NEBL: variants seen among roughly 807,000 people sequenced by gnomAD.
NEBL encodes nebulette.
Under a neutral mutation model 140.2 loss-of-function variants are expected in NEBL, and 122 were observed. The ratio of observed to expected loss-of-function variants is 0.87; its 90% CI spans 0.75 to 1.01. The LOEUF (loss-of-function observed/expected upper bound fraction) is 1.01, where lower values mean the gene tolerates loss of function less well. Ranked by LOEUF, NEBL falls within the 50% of genes least tolerant of loss-of-function variation. The probability of loss-of-function intolerance (pLI) is 0.00; values close to 1 mark genes in which losing one functional copy is unlikely to be tolerated. For synonymous variants in NEBL, 436 were observed against 398.9 expected, an observed-to-expected ratio of 1.09 and a Z score of -1.11; for missense variants, 1,365 against 1,231.3, an observed-to-expected ratio of 1.11 and a Z score of -1.62.
At chr10:21,177,195 C>G (rs1292362828), upstream of NEBL, among the ~76,000 whole-genome samples, 1 of 152,238 alleles carries the variant, frequency 6.6e-6, no homozygotes, top group Non-Finnish European at 1.5e-5. Flanking sequence ...GCTTCAAATG[C>G]GCTTGCATAG....
chr10:20,944,585 A>G (rs1399900783), intron 4 of NEBL, among the ~76,000 whole-genome samples: 1 of 152,220 alleles, frequency 6.6e-6, no homozygotes, highest in Non-Finnish European at 1.5e-5. Flanking sequence ...AAAGGCATAC[A>G]TATTTATATG....
At chr10:20,835,965 A>G (rs1840847866) in intron 13 of NEBL, among the ~76,000 whole-genome samples, 1 of 152,236 alleles carries the variant, frequency 6.6e-6, no homozygotes, top group South Asian at 2.1e-4. Flanking sequence ...AAGCCAGAGC[A>G]TTCACCAGCT....
chr10:20,841,516 A>C (rs529284275), intron 12 of NEBL: 2 of 152,480 alleles, frequency 1.3e-5, no homozygotes, highest in African/African-American at 4.8e-5. Context: ...CCCCTTTACT[A>C]TCTCTGATGG....
At chr10:21,176,589 G>T (rs1841303969), upstream of NEBL, among the ~76,000 whole-genome samples, 1 of 152,046 alleles carries the variant, frequency 6.6e-6, no homozygotes, top group Non-Finnish European at 1.5e-5. Context: ...CAAAGAATTG[G>T]CAGAAACCTG....
chr10:21,037,015 G>A (rs1442848017), intron 2 of NEBL, among the ~76,000 whole-genome samples: 2 of 152,138 alleles, frequency 1.3e-5, no homozygotes, highest in African/African-American at 4.8e-5. Flanking sequence ...GCACTTTACA[G>A]AAGCTGGTCT....
Position 20,955,001 on chromosome 10 carries a change from C to T in NEBL, c.357+6671G>A, listed in dbSNP as rs11012417. On this transcript the variant is annotated intron_variant, in intron 4 of 6. Coordinates refer to the NEBL transcript ENST00000417816. The stretch of plus-strand genomic sequence containing the variant: ...ATTTTACATTTTATCCTAAAGGCAG[C>T]AGAGAGACTTAACAGATTTTAAAAG... Among the ~76,000 whole-genome samples the T allele has an allele frequency of 0.028, 4,280 of 152,252 alleles. 334 individuals are homozygous for T. In the East Asian group the frequency reaches 0.32, roughly 11 times the overall value.
At chr10:21,140,083 C>A (rs1839555076) in intron 2 of NEBL, among the ~76,000 whole-genome samples, 1 of 151,938 alleles carries the variant, frequency 6.6e-6, no homozygotes, top group Admixed American at 6.6e-5. Context: ...ATCACTTGAA[C>A]CTGGGAGGTG....
chr10:21,141,139 G>A (rs564861091), intron 2 of NEBL, among the ~76,000 whole-genome samples: 2 of 149,470 alleles, frequency 1.3e-5, no homozygotes, highest in South Asian at 4.3e-4. Flanking sequence ...CCAGATTAAA[G>A]ACACCAAAAA....
chr10:21,228,469 A>G (rs1842202250), intron 3 of NEBL, among the ~76,000 whole-genome samples: 1 of 152,146 alleles, frequency 6.6e-6, no homozygotes, highest in African/African-American at 2.4e-5. Flanking sequence ...AAAGTTTTTA[A>G]TGGGTGATTT....
intron 8 of NEBL, among the ~76,000 whole-genome samples, chr10:20,859,409 A>G (rs186546432): frequency 7.9e-5 from 12 of 152,212 alleles, no homozygotes; most frequent in Admixed American, 5.9e-4. Flanking sequence ...CTACTGTCCT[A>G]ACCACTAATT....
intron 8 of NEBL, among the ~76,000 whole-genome samples, chr10:20,858,763 A>T (rs1379906161): frequency 1.3e-5 from 2 of 152,194 alleles, no homozygotes; most frequent in Non-Finnish European, 2.9e-5. Flanking sequence ...TGAAAATATA[A>T]TACCAGTAAT....
Position 20,824,015 on chromosome 10 carries a change from A to G in NEBL, c.1870-715T>C, listed in dbSNP as rs116619494. On this transcript the variant is annotated intron_variant, in intron 18 of 27. Transcript: ENST00000377122. ...CTCCCCCATCACATATATTTAGAGG[A>G]AGATCAATCAGGCAAATGGTAATAC... Among the ~76,000 whole-genome samples, 329 of 152,296 alleles carry G rather than the reference A, an allele frequency of 2.2e-3. 1 individual carries two copies. Among genetic ancestry groups the G allele is most frequent in the African/African-American group, 7.7e-3 (319 of 41,576 alleles).
At chr10:21,207,436 T>G (rs1841845045) in intron 3 of NEBL, among the ~76,000 whole-genome samples, 1 of 152,178 alleles carries the variant, frequency 6.6e-6, no homozygotes, top group Admixed American at 6.5e-5. Flanking sequence ...GAATTCTTAT[T>G]AACTCTATAA....
intron 3 of NEBL, among the ~76,000 whole-genome samples, chr10:21,200,308 CTTTTTT>C (rs10671099): frequency 3.7e-4 from 30 of 81,966 alleles, no homozygotes; most frequent in African/African-American, 1.4e-3. Context: ...TTCCAAGGGA[CTTTTTT>C]TTTTTTTTTT....
intron 1 of NEBL, among the ~76,000 whole-genome samples, chr10:21,253,351 T>C (rs371878726): frequency 9.9e-5 from 15 of 151,770 alleles, no homozygotes; most frequent in African/African-American, 1.9e-4. Flanking sequence ...GAGTCACAAA[T>C]AGAGAGAGAT....
chr10:21,236,077 G>A (rs931734855), intron 3 of NEBL, among the ~76,000 whole-genome samples: 6 of 152,252 alleles, frequency 3.9e-5, no homozygotes, highest in East Asian at 1.9e-4. Context: ...AACAGAAGTC[G>A]TTCCCCTCTG....
At chr10:20,964,934 C>G (rs1057112002) in intron 3 of NEBL, among the ~76,000 whole-genome samples, 89 of 152,324 alleles carry the variant, frequency 5.8e-4, no homozygotes, top group African/African-American at 2.0e-3. Context: ...ATGAACATAA[C>G]CAGCCCCCGT....
At chr10:21,174,104 C>G in exon 1 of NEBL, 1 of 910,662 alleles carries the variant, frequency 1.1e-6, no homozygotes, top group Non-Finnish European at 1.3e-6. Context: ...CGCTCGCACT[C>G]CAGGTACGGG....
intron 4 of NEBL, among the ~76,000 whole-genome samples, chr10:20,934,239 C>T (rs930165405): frequency 2.0e-5 from 3 of 152,068 alleles, no homozygotes; most frequent in African/African-American, 4.8e-5. Flanking sequence ...ACAGAGAGTG[C>T]CTAGGTCTCC....
Sources: gnomAD v4.1 joint callset for allele counts (sites outside exome capture counted in the v4.1 genomes callset) on GRCh38, gnomAD v4.1.1 for gene constraint, MANE v1.5 for transcripts, NCBI Gene and HGNC (gene_info 2026-07-23, HGNC 2026-07-21) for gene names.